ACTR2: variants seen among roughly 807,000 people sequenced by gnomAD.
ACTR2 encodes the protein actin-related protein 2.
A neutral mutation model predicts 50.2 loss-of-function variants in ACTR2; 5 were observed. The observed-to-expected ratio is 0.10, with a 90% CI of 0.05 to 0.21. The LOEUF is 0.21. Among genes scored for constraint, ACTR2 ranks in the 10% least tolerant of loss-of-function variants. The probability of loss-of-function intolerance (pLI) is 1.00; values close to 1 mark genes in which losing one functional copy is unlikely to be tolerated. For synonymous variants in ACTR2, 140 were observed against 162.9 expected (o/e 0.86, Z 1.07); for missense variants, 180 against 480.6 (o/e 0.37, Z 5.85).
chr2:65,227,984 C>T (rs969763682), intron 1 of ACTR2, 27 bp downstream of exon 1: 16 of 1,487,856 alleles, frequency 1.1e-5, no homozygotes, highest in Admixed American at 2.5e-5. Flanking sequence ...GAGGCCTTGG[C>T]GGCCACAGAC....
chr2:65,228,264 T>C, intron 1 of ACTR2: 1 of 331,086 alleles, frequency 3.0e-6, no homozygotes, highest in East Asian at 4.8e-5. Context: ...CGGGGGCAAT[T>C]GGGCTAAAGC....
At chr2:65,265,740 T>A (rs531236190) in intron 8 of ACTR2, among the ~76,000 whole-genome samples, 2 of 152,350 alleles carry the variant, frequency 1.3e-5, no homozygotes, top group East Asian at 3.9e-4. Context: ...TTGATGTTTC[T>A]TTGGCATAGG....
intron 7 of ACTR2, among the ~76,000 whole-genome samples, chr2:65,262,622 G>T (rs1168856432): frequency 6.6e-6 from 1 of 152,058 alleles, no homozygotes; most frequent in East Asian, 1.9e-4. Flanking sequence ...TGATGAGTGA[G>T]AAATTATTTC....
At chr2:65,237,432 G>A (rs1355384717) in intron 1 of ACTR2, among the ~76,000 whole-genome samples, 2 of 151,994 alleles carry the variant, frequency 1.3e-5, no homozygotes, top group Admixed American at 6.6e-5. Flanking sequence ...TTCCGGGGGG[G>A]AATCTTGCCG....
intron 6 of ACTR2, among the ~76,000 whole-genome samples, chr2:65,256,090 A>G (rs1672143998): frequency 6.6e-6 from 1 of 152,184 alleles, no homozygotes; most frequent in Admixed American, 6.5e-5. Flanking sequence ...ATTTCACTTC[A>G]CTGTAGAACT....
At chr2:65,256,146 G>A (rs773880133) in intron 6 of ACTR2, among the ~76,000 whole-genome samples, 32 of 152,156 alleles carry the variant, frequency 2.1e-4, no homozygotes, top group African/African-American at 7.7e-4. Flanking sequence ...TATAGTATGC[G>A]TGTTTTTCAG....
chr2:65,250,063 C>T (rs188550507), intron 3 of ACTR2, among the ~76,000 whole-genome samples: 165 of 152,116 alleles, frequency 1.1e-3, no homozygotes, highest in African/African-American at 3.8e-3. Context: ...ATTTTGTCTT[C>T]GAATTAAAAG....
chr2:65,268,184 A>G (rs1176861445), intron 8 of ACTR2, among the ~76,000 whole-genome samples: 4 of 152,036 alleles, frequency 2.6e-5, no homozygotes, highest in African/African-American at 9.7e-5. Flanking sequence ...TGACTTTCCC[A>G]AGTGGTCATC....
chr2:65,254,561 C>G (rs1672112555), intron 5 of ACTR2, among the ~76,000 whole-genome samples: 1 of 152,018 alleles, frequency 6.6e-6, no homozygotes. Flanking sequence ...TCAGTCTATC[C>G]TCTCCAGGAC....
At chr2:65,241,629 G>T (rs1053751958) in intron 2 of ACTR2, among the ~76,000 whole-genome samples, 11 of 152,088 alleles carry the variant, frequency 7.2e-5, no homozygotes, top group Admixed American at 3.9e-4. Context: ...ACTAGAGCTT[G>T]GAAAAACAAC....
At chr2:65,267,645 C>CAATTGCCT (rs1455868818) in intron 8 of ACTR2, among the ~76,000 whole-genome samples, 9 of 152,052 alleles carry the variant, frequency 5.9e-5, no homozygotes, top group Admixed American at 4.6e-4. Context: ...AAACTTTTCC[C>CAATTGCCT]AATTGCCTTT....
chr2:65,236,193 G>A (rs1456014901), intron 1 of ACTR2, among the ~76,000 whole-genome samples: 2 of 152,052 alleles, frequency 1.3e-5, no homozygotes, highest in African/African-American at 4.8e-5. Flanking sequence ...ACAAAAATTA[G>A]CTGGGCGTGG....
chr2:65,268,803 A>T lies in ACTR2; in HGVS notation c.*69A>T, dbSNP rs139637582. On this transcript the variant is annotated 3_prime_UTR_variant, in exon 9 of 9. Coordinates refer to ENST00000260641, the MANE Select transcript of ACTR2 (RefSeq NM_005722.4). ...TCCTTTATTGCCAATCTTTGAACTC[A>T]TTCAACTCCAGGACATGGAAGAGGC... 1 of 1,510,096 alleles carries T rather than the reference A, an allele frequency of 6.6e-7. No homozygotes were observed. Among genetic ancestry groups the T allele is most frequent in the South Asian group, 1.3e-5 (1 of 78,966 alleles). 93.5% of individuals were successfully genotyped at this position (1,510,096 alleles called of 1,614,324 possible).
intron 4 of ACTR2, 21 bp from the exon 5 acceptor site, chr2:65,253,707 A>G (rs754381415): frequency 6.9e-6 from 11 of 1,602,442 alleles, no homozygotes; most frequent in Non-Finnish European, 3.4e-6. Flanking sequence ...TTTTATTTAA[A>G]TCCCCCTGGC....
At chr2:65,228,084 C>T (rs946591208) in intron 1 of ACTR2, 127 bp downstream of exon 1, 2 of 845,300 alleles carry the variant, frequency 2.4e-6, no homozygotes, top group Non-Finnish European at 3.3e-6. Context: ...GGGGCGGTGC[C>T]TCCCACCTCC....
chr2:65,231,205 T>A (rs577694455), intron 1 of ACTR2, among the ~76,000 whole-genome samples: 1 of 152,220 alleles, frequency 6.6e-6, no homozygotes, highest in African/African-American at 2.4e-5. Flanking sequence ...TCTGTTCTTA[T>A]GCTTCTAGTT....
intron 1 of ACTR2, among the ~76,000 whole-genome samples, chr2:65,237,030 A>G (rs1045564578): frequency 2.6e-5 from 4 of 152,236 alleles, no homozygotes; most frequent in African/African-American, 9.6e-5. Flanking sequence ...TGTTAAGTCA[A>G]CAGCAAAACT....
At chr2:65,242,493 A>T (rs944690219) in intron 2 of ACTR2, 4 of 350,328 alleles carry the variant, frequency 1.1e-5, no homozygotes, top group East Asian at 7.4e-5. Context: ...GCCTGTATAT[A>T]TATTTGCATC....
chr2:65,246,598 A>C lies in ACTR2; in HGVS notation c.234A>C (p.Ile78=). 6.2e-7 allele frequency: 1 copy of C among 1,613,514 alleles called. No homozygotes were observed. Among genetic ancestry groups the C allele is most frequent in the Non-Finnish European group, 8.5e-7 (1 of 1,179,640 alleles). The change falls in exon 3 of 9, where the codon ATA becomes ATC. Residue 78 remains isoleucine (I), a synonymous_variant. Coordinates refer to ENST00000260641, the MANE Select transcript of ACTR2 (RefSeq NM_005722.4). Reference sequence around the variant, plus strand: ...TTAACTACCCTATGGAAAATGGCATAGTACGAAATTGGGATGACATGAAAC... The same window carrying C: ...TTAACTACCCTATGGAAAATGGCATCGTACGAAATTGGGATGACATGAAAC... ...LEVNYPMENG[I]VRNWDDMKHL... is the part of the protein sequence containing the mutation.
Sources: allele counts gnomAD v4.1 joint callset (sites outside exome capture counted in the v4.1 genomes callset), GRCh38; gene constraint gnomAD v4.1.1; transcripts MANE v1.5; gene names NCBI Gene and HGNC (gene_info 2026-07-23, HGNC 2026-07-21).